The following TTN variants were observed in gnomAD, a reference collection of about 807,000 sequenced individuals.
The protein encoded by TTN is titin.
In TTN, 1,525 loss-of-function variants were observed where a neutral mutation model predicts 3,223.0. The ratio of observed to expected loss-of-function variants is 0.47; its 90% CI spans 0.45 to 0.49. The LOEUF (loss-of-function observed/expected upper bound fraction) is 0.49. Ranked by LOEUF, TTN falls within the 20% of genes least tolerant of loss-of-function variation. The pLI is 0.00. For missense variants in TTN, 40,786 were observed against 43,424.0 expected, an observed-to-expected ratio of 0.94 and a Z score of 5.40; for synonymous variants, 14,094 against 15,161.0, an observed-to-expected ratio of 0.93 and a Z score of 5.17.
rs1232609141 is a variant in TTN at position 178,542,435 on chromosome 2, C to T, written c.97321G>A (p.Asp32441Asn). The change falls in exon 349 of 363, where the codon GAC becomes AAC. Residue 32441 changes from aspartate to asparagine, a missense_variant. Physicochemically the swap from Asp to Asn is conservative, Grantham distance 23 (BLOSUM62 1). Coordinates refer to ENST00000589042, the MANE Select transcript of TTN (RefSeq NM_001267550.2). ...GGCAGCCATCCTGGACGATGAGCGTCACGTTGTTCTACCACATAACCACTC... is the reference window on the plus strand; with the variant it reads ...GGCAGCCATCCTGGACGATGAGCGTTACGTTGTTCTACCACATAACCACTC... The part of the protein sequence containing the change: ...PLSGYVVEQR[D>N]AHRPGWLPVS... 1 of 1,613,672 alleles carries T rather than the reference C, an allele frequency of 6.2e-7. No homozygotes were observed. Among genetic ancestry groups the T allele is most frequent in the South Asian group, 1.1e-5 (1 of 91,078 alleles).
rs1443902669 is a variant in TTN at position 178,536,155 on chromosome 2, C to A, written c.100592G>T (p.Arg33531Ile). The A allele has an allele frequency of 1.2e-6, 2 of 1,613,530 alleles. No homozygotes were observed. Among genetic ancestry groups the A allele is most frequent in the Non-Finnish European group, 1.7e-6 (2 of 1,179,722 alleles). ...ATCTGCAATGATTTCTTTGCCTTGT[C>A]TGTACCATTTGACGATAGGTTTTGG... Reference protein sequence around the residue: ...GHPKPIVKWYRQGKEIIADGL... With the variant: ...GHPKPIVKWYIQGKEIIADGL... The change falls in exon 357 of 363, where the codon AGA (arginine) becomes ATA (isoleucine). Residue 33531 changes from arginine to isoleucine, a missense_variant. Coordinates refer to ENST00000589042, the MANE Select transcript of TTN (RefSeq NM_001267550.2).
At position 178,570,952 on chromosome 2, in the gene TTN, A is replaced by G. The variant is rs1171127659; in HGVS notation, c.75180T>C (p.Asn25060=). The G allele has an allele frequency of 6.2e-7, 1 of 1,613,564 alleles. No homozygotes were observed. The change falls in exon 326 of 363, where the codon AAT becomes AAC. Residue 25060 remains asparagine (N), a synonymous_variant. Coordinates refer to ENST00000589042, the MANE Select transcript of TTN (RefSeq NM_001267550.2). ...EGRWMKASFT[N]IIDTHFEVTG... ...TTACTTCAAAATGAGTGTCAATAAT[A>G]TTTGTAAAACTGGCTTTCATCCAAC...
At chr2:178,764,337 A>G in intron 42 of TTN, 35 bp from the exon 43 acceptor site, 1 of 1,613,350 alleles carries the variant, frequency 6.2e-7, no homozygotes, top group Non-Finnish European at 8.5e-7. Flanking sequence ...GTCATGATTA[A>G]GTCACCATAG....
rs1708481825 is a variant in TTN at position 178,572,251 on chromosome 2, A to G, written c.73881T>C (p.Asp24627=). ...AGAGTGACACACTATTTCTTGTGAC[A>G]TCCATCAAAGTTATTTTTCCTGGAG... is the stretch of plus-strand genomic sequence containing the variant. ...PLPPGKITLM[D]VTRNSVSLSW... The change falls in exon 326 of 363, where the codon GAT becomes GAC. Residue 24627 remains aspartate, a synonymous_variant. Transcript: ENST00000589042. 1 of 1,613,362 alleles carries G rather than the reference A, an allele frequency of 6.2e-7. No individual in the cohort carries two copies. The highest frequency in any genetic ancestry group is 1.1e-5 in the South Asian group (1 of 91,046).
Position 178,547,237 on chromosome 2 carries a change from C to T in TTN, c.94288G>A (p.Glu31430Lys), listed in dbSNP as rs868051341. The change falls in exon 340 of 363, where the codon GAA (glutamate) becomes AAA (lysine). Residue 31430 changes from glutamate to lysine, a missense_variant. By Grantham distance (56) the Glu-to-Lys change is moderately conservative. Coordinates refer to ENST00000589042, the MANE Select transcript of TTN (RefSeq NM_001267550.2). ...CTGCCACCATCGTGGTAGGGTTCTT[C>T]CCAACGAATAGACATGGCATTGGCA... ...VSANAMSIRW[E>K]EPYHDGGSKI... is the part of the protein sequence containing the mutation. 3 of 1,613,686 alleles carry T rather than the reference C, an allele frequency of 1.9e-6. No homozygotes were observed. The highest frequency in any genetic ancestry group is 2.5e-6 in the Non-Finnish European group (3 of 1,179,760).
At chr2:178,680,444 C>A (rs1211365565) in intron 138 of TTN, 113 bp from the exon 139 acceptor site, 4 of 845,582 alleles carry the variant, frequency 4.7e-6, no homozygotes, top group Non-Finnish European at 7.7e-6. Flanking sequence ...TAATGAGATA[C>A]ATATGCGATT....
At position 178,773,157 on chromosome 2, in the gene TTN, T is replaced by C. The variant is rs775528928; in HGVS notation, c.7807A>G (p.Thr2603Ala). Residue 2603 changes from threonine to alanine, a missense_variant, in exon 33 of 363, where the codon ACA becomes GCA. Coordinates refer to ENST00000589042, the MANE Select transcript of TTN (RefSeq NM_001267550.2). Reference sequence around the variant, plus strand: ...GTCATATTTTCTCCCGCGTAAAATGTGTATTTTCCTTCATCATCTTTCATC... The same window carrying C: ...GTCATATTTTCTCCCGCGTAAAATGCGTATTTTCCTTCATCATCTTTCATC... ...NMMKDDEGKYTFYAGENMTSG... is the reference protein window; with the variant it reads ...NMMKDDEGKYAFYAGENMTSG... 15 of 1,613,868 alleles carry C rather than the reference T, an allele frequency of 9.3e-6. No homozygotes were observed. The highest frequency in any genetic ancestry group is 1.3e-5 in the Non-Finnish European group (15 of 1,179,922).
intron 22 of TTN, 184 bp downstream of exon 22, chr2:178,779,816 A>G: frequency 4.8e-6 from 3 of 620,688 alleles, no homozygotes; most frequent in Non-Finnish European, 8.4e-6. Context: ...CCTATATGTA[A>G]TCTCTATTTC....
chr2:178,686,113 ATTTTTTT>A (rs765570520), intron 127 of TTN, among the ~76,000 whole-genome samples: 38 of 77,804 alleles, frequency 4.9e-4, no homozygotes, highest in East Asian at 8.3e-4. Context: ...TACAGTTTTA[ATTTTTTT>A]TTTTTTTTTT....
chr2:178,719,033 C>T, intron 83 of TTN, 60 bp from the exon 84 acceptor site: 1 of 1,517,970 alleles, frequency 6.6e-7, no homozygotes, highest in Non-Finnish European at 8.8e-7. Flanking sequence ...GTGAGAAGTG[C>T]TTTTGCTCCT....
At chr2:178,622,848 A>T (rs1401638389) in intron 242 of TTN, 81 bp from the exon 243 acceptor site, 1 of 1,099,830 alleles carries the variant, frequency 9.1e-7, no homozygotes, top group Non-Finnish European at 1.3e-6. Context: ...ATTAAGAAAA[A>T]GTGACTCTTT....
chr2:178,614,716 A>G lies in TTN; in HGVS notation c.48798T>C (p.Ala16266=). The G allele has an allele frequency of 6.2e-7, 1 of 1,611,034 alleles. No homozygotes were observed. The highest frequency in any genetic ancestry group is 8.5e-7 in the Non-Finnish European group (1 of 1,178,528). ...PEIFLDVKLL[A]GLTVKAGTKI... is the part of the protein sequence containing the mutation. ...TGGTCCCAGCTTTTACAGTGAGACC[A>G]GCAAGGAGCTTCACATCGAGGAAGA... The change falls in exon 261 of 363, where the codon GCT becomes GCC. Residue 16266 remains alanine (A), a synonymous_variant. Transcript: ENST00000589042.
At chr2:178,688,265 A>T (rs1350836246) in intron 126 of TTN, 41 bp from the exon 127 acceptor site, 1 of 1,541,328 alleles carries the variant, frequency 6.5e-7, no homozygotes, top group Non-Finnish European at 8.9e-7. Flanking sequence ...GCCTGCTGAG[A>T]TACAGATGTA....
rs200463088 is a variant in TTN, at chr2:178,587,332, G to A, written c.63879C>T (p.Asp21293=). Residue 21293 remains aspartate (D), a synonymous_variant, in exon 307 of 363, where the codon GAC becomes GAT. Coordinates refer to ENST00000589042, the MANE Select transcript of TTN (RefSeq NM_001267550.2). ...CHVSWAPPEN[D]GGSQVTHYIV... is the part of the protein sequence containing the mutation. ...TATAATGTGTCACTTGGCTCCCACC[G>A]TCGTTTTCAGGAGGGGCCCAGGACA... 1.4e-4 allele frequency: 231 copies of A among 1,612,640 alleles called. No individual in the cohort carries two copies. The African/African-American group carries it at 1.8e-3, about 12-fold the overall frequency.
intron 204 of TTN, 27 bp from the exon 205 acceptor site, chr2:178,651,994 G>T: frequency 6.2e-7 from 1 of 1,610,826 alleles, no homozygotes; most frequent in Non-Finnish European, 8.5e-7. Context: ...TCATTTTAAT[G>T]CCAGAATTGA....
intron 350 of TTN, 39 bp from the exon 351 acceptor site, chr2:178,540,409 G>C (rs371340721): frequency 3.9e-6 from 6 of 1,522,038 alleles, no homozygotes; most frequent in Non-Finnish European, 5.3e-6. Flanking sequence ...TAAAGTTGCT[G>C]CAAAGTTGAA....
At chr2:178,683,042 G>A (rs1249527077) in intron 134 of TTN, 139 bp from the exon 135 acceptor site, 1 of 994,372 alleles carries the variant, frequency 1.0e-6, no homozygotes. Context: ...GTTCTTTTTT[G>A]GCCAGTCAAG....
Position 178,551,700 on chromosome 2 carries a change from A to G in TTN, c.91200T>C (p.Tyr30400=). The change falls in exon 335 of 363, where the codon TAT becomes TAC. Residue 30400 remains tyrosine (Y), a synonymous_variant. Transcript: ENST00000589042. ...AGCTTAGGCCAGCAGAATTTTCAGC[A>G]TATACACGGAATTGGTAATCCAGAC... is the stretch of plus-strand genomic sequence containing the variant. ...VEGLDYQFRV[Y]AENSAGLSSP... The G allele has an allele frequency of 1.9e-6, 3 of 1,613,390 alleles. No homozygotes were observed. In the South Asian group the frequency reaches 3.3e-5, roughly 18 times the overall value.
chr2:178,574,545 C>T lies in TTN; in HGVS notation c.71587G>A (p.Val23863Ile), dbSNP rs367822322. 6.2e-7 allele frequency: 1 copy of T among 1,613,484 alleles called. No individual in the cohort carries two copies. Among genetic ancestry groups the T allele is most frequent in the African/African-American group, 1.3e-5 (1 of 74,904 alleles). ...DGGSPILGYH[V>I]ERKERNGILW... ...ATACCATTTCGTTCTTTTCTTTCAA[C>T]ATGATATCCTAAAATGGGGCTTCCA... The change falls in exon 326 of 363, where the codon GTT becomes ATT. Residue 23863 changes from valine (V) to isoleucine (I), a missense_variant. Val to Ile is a conservative substitution (Grantham distance 29). Transcript: ENST00000589042.
Sources: gnomAD v4.1 joint callset for allele counts (sites outside exome capture counted in the v4.1 genomes callset) on GRCh38, gnomAD v4.1.1 for gene constraint, MANE v1.5 for transcripts, NCBI Gene and HGNC (gene_info 2026-07-23, HGNC 2026-07-21) for gene names.